Variants in HKDC1 observed in about 807,000 individuals in gnomAD.
The protein encoded by HKDC1 is hexokinase domain containing 1.
In HKDC1, 66 loss-of-function variants were observed where a neutral mutation model predicts 96.6. The ratio of observed to expected loss-of-function variants is 0.68; its 90% CI spans 0.56 to 0.84. The LOEUF is 0.84. HKDC1 is among the 40% of genes least tolerant of loss of function. The pLI is 0.00. For missense variants in HKDC1, 1,211 were observed against 1,208.1 expected, an observed-to-expected ratio of 1.00 and a Z score of -0.04; for synonymous variants, 466 against 473.1, an observed-to-expected ratio of 0.98 and a Z score of 0.20.
chr10:69,228,035 G>A (rs1843189728), intron 2 of HKDC1, among the ~76,000 whole-genome samples: 1 of 152,180 alleles, frequency 6.6e-6, no homozygotes, highest in Admixed American at 6.5e-5. Flanking sequence ...AATCACAGTG[G>A]CTGAAAACAA....
At chr10:69,260,356 C>G (rs1228128314) in intron 15 of HKDC1, among the ~76,000 whole-genome samples, 1 of 152,154 alleles carries the variant, frequency 6.6e-6, no homozygotes, top group Non-Finnish European at 1.5e-5. Flanking sequence ...AGGGACCTTC[C>G]CTTTGAATCC....
At chr10:69,259,852 A>C (rs762190596) in intron 15 of HKDC1, among the ~76,000 whole-genome samples, 2 of 152,206 alleles carry the variant, frequency 1.3e-5, no homozygotes, top group Non-Finnish European at 2.9e-5. Flanking sequence ...ATCCACCCCC[A>C]TGATCCAGTC....
Position 69,241,247 on chromosome 10 carries a change from G to C in HKDC1, c.691+496G>C, listed in dbSNP as rs7918356. 8.7e-3 allele frequency among the ~76,000 whole-genome samples: 1,320 copies of C among 152,242 alleles called. 26 individuals are homozygous for C. Among genetic ancestry groups the C allele is most frequent in the African/African-American group, 0.03 (1,245 of 41,544 alleles). On this transcript the variant is annotated intron_variant, in intron 6 of 17. Coordinates refer to ENST00000354624, the MANE Select transcript of HKDC1 (RefSeq NM_025130.4). ...AGGAAAGAGGACACCTACAGGCTTG[G>C]AGATGGGAAGGGGTCCAGGGAGGGG...
chr10:69,232,668 T>C, intron 2 of HKDC1, 96 bp from the exon 3 acceptor site: 2 of 1,140,484 alleles, frequency 1.8e-6, no homozygotes, highest in South Asian at 1.4e-5. Flanking sequence ...TGGCTGTGAT[T>C]TGAAGACGTT....
At chr10:69,244,490 T>C (rs1843507330) in intron 7 of HKDC1, among the ~76,000 whole-genome samples, 1 of 152,184 alleles carries the variant, frequency 6.6e-6, no homozygotes, top group African/African-American at 2.4e-5. Flanking sequence ...TTGAATTTTA[T>C]CATCTTCACC....
In HKDC1 at chr10:69,243,064, C is replaced by G. The variant is rs76167369; in HGVS notation, c.692-118C>G. 5.0e-6 allele frequency: 5 copies of G among 1,005,334 alleles called. No individual in the cohort carries two copies. In the African/African-American group the frequency reaches 8.1e-5, roughly 16 times the overall value. The allele number at this position is 1,005,334 out of a possible 1,614,324, so 62.3% of individuals were successfully genotyped here. ...GCTTCCCTCAGCGAGAGCCAGCCCC[C>G]AGGGAATGAAAAGCACTTTGTGGTA... On this transcript the variant is annotated intron_variant, in intron 6 of 17. Transcript: ENST00000354624.
intron 12 of HKDC1, among the ~76,000 whole-genome samples, chr10:69,254,042 C>A (rs1043190048): frequency 1.3e-5 from 2 of 152,220 alleles, no homozygotes; most frequent in African/African-American, 4.8e-5. Context: ...CAGTGGCTCA[C>A]TCCTGTCATC....
chr10:69,240,769 G>T lies in HKDC1; in HGVS notation c.691+18G>T. ...CATCATCGGTAACTCAATTGGACTG[G>T]TTTTTTGAGGGTAGGGGAGAAGGGA... On this transcript the variant is annotated intron_variant, in intron 6 of 17. Transcript: ENST00000354624. 1 of 1,593,426 alleles carries T rather than the reference G, an allele frequency of 6.3e-7. No individual in the cohort carries two copies. The highest frequency in any genetic ancestry group is 8.6e-7 in the Non-Finnish European group (1 of 1,161,258).
At chr10:69,258,680 G>A in intron 14 of HKDC1, 96 bp from the exon 15 acceptor site, 1 of 1,267,146 alleles carries the variant, frequency 7.9e-7, no homozygotes, top group Admixed American at 1.7e-5. Flanking sequence ...AGTTGTATCT[G>A]ACTCCAAGCT....
intron 2 of HKDC1, among the ~76,000 whole-genome samples, chr10:69,227,693 A>C (rs1337135094): frequency 6.6e-6 from 1 of 152,178 alleles, no homozygotes; most frequent in East Asian, 1.9e-4. Flanking sequence ...CCATCTAGGA[A>C]GTATCCCTGT....
intron 7 of HKDC1, among the ~76,000 whole-genome samples, chr10:69,244,257 G>A (rs914415314): frequency 2.6e-5 from 4 of 152,124 alleles, no homozygotes; most frequent in African/African-American, 4.8e-5. Flanking sequence ...TCCTGGCACC[G>A]TAAGACGTTC....
intron 12 of HKDC1, among the ~76,000 whole-genome samples, chr10:69,255,565 G>A (rs921492361): frequency 1.4e-4 from 22 of 152,182 alleles, no homozygotes; most frequent in African/African-American, 5.1e-4. Context: ...TGCGAGGCTA[G>A]ACTAACTCCT....
In HKDC1 at chr10:69,221,111, T is replaced by C. The variant is rs532887573; in HGVS notation, c.63+613T>C. On this transcript the variant is annotated intron_variant, in intron 1 of 17. Transcript: ENST00000354624. ...GTTGCAGTGAGCCGAGATCGCGCCA[T>C]TGCACTCCAGCCTAGGGGACAAGAG... Among the ~76,000 whole-genome samples, 55 of 152,040 alleles carry C rather than the reference T, an allele frequency of 3.6e-4. No individual in the cohort carries two copies. The South Asian group carries it at 0.011, about 30-fold the overall frequency.
At chr10:69,252,198 C>G (rs1007214366) in intron 12 of HKDC1, among the ~76,000 whole-genome samples, 2 of 144,200 alleles carry the variant, frequency 1.4e-5, no homozygotes, top group Non-Finnish European at 3.1e-5. Flanking sequence ...CAAAATCTTT[C>G]CTGTAATTCT....
Position 69,265,694 on chromosome 10 carries a change from C to G in HKDC1, c.2482C>G (p.Arg828Gly). The change falls in exon 17 of 18, where the codon CGG (arginine) becomes GGG (glycine). Residue 828 changes from arginine (R) to glycine (G), a missense_variant. Arg to Gly is a moderately radical substitution (Grantham distance 125). Transcript: ENST00000354624. Reference sequence around the variant, plus strand: ...GGAGGTGTGCGGAGCCGTGTCCCGGCGGGCGGCCCAGCTCTGCGGTGCTGG... The same window carrying G: ...GGAGGTGTGCGGAGCCGTGTCCCGGGGGGCGGCCCAGCTCTGCGGTGCTGG... ...VKEVCGAVSR[R>G]AAQLCGAGLA... 1 of 1,613,432 alleles carries G rather than the reference C, an allele frequency of 6.2e-7. No homozygotes were observed. Among genetic ancestry groups the G allele is most frequent in the Non-Finnish European group, 8.5e-7 (1 of 1,179,794 alleles).
intron 5 of HKDC1, 95 bp downstream of exon 5, chr10:69,239,232 G>A (rs1459710350): frequency 1.2e-5 from 10 of 805,082 alleles, no homozygotes; most frequent in Non-Finnish European, 1.7e-5. Context: ...GGTCACATAT[G>A]GTGCCTGCAT....
At chr10:69,247,616 G>A (rs547978264) in intron 9 of HKDC1, 23 bp downstream of exon 9, 25 of 1,587,610 alleles carry the variant, frequency 1.6e-5, no homozygotes, top group South Asian at 6.7e-5. Flanking sequence ...TGCCATCCAC[G>A]CCCCCACAAA....
rs1270315524 is a variant in HKDC1, at chr10:69,240,829, G to A, written c.691+78G>A. Reference sequence around the variant, plus strand: ...AGTTTCATTTCAGCGAGCTCTGAGTGAATTCGGCGGGAAGGGCACTGCACT... The same window carrying A: ...AGTTTCATTTCAGCGAGCTCTGAGTAAATTCGGCGGGAAGGGCACTGCACT... On this transcript the variant is annotated intron_variant, in intron 6 of 17. Transcript: ENST00000354624. The A allele has an allele frequency of 3.8e-6, 4 of 1,044,554 alleles. No individual in the cohort carries two copies. In the African/African-American group the frequency reaches 6.2e-5, roughly 16 times the overall value. 64.7% of individuals were successfully genotyped at this position (1,044,554 alleles called of 1,614,324 possible).
chr10:69,241,971 G>A (rs1031882012), intron 6 of HKDC1, among the ~76,000 whole-genome samples: 32 of 152,314 alleles, frequency 2.1e-4, no homozygotes, highest in Admixed American at 2.0e-3. Flanking sequence ...ACCAGAGCGA[G>A]GGGGTCAGCT....
Sources: gnomAD v4.1 joint callset for allele counts (sites outside exome capture counted in the v4.1 genomes callset) on GRCh38, gnomAD v4.1.1 for gene constraint, MANE v1.5 for transcripts, NCBI Gene and HGNC (gene_info 2026-07-23, HGNC 2026-07-21) for gene names.